The following LETM1 variants were observed in gnomAD, a reference collection of about 807,000 sequenced individuals.
The protein encoded by LETM1 is leucine zipper and EF-hand containing transmembrane protein 1.
In LETM1, 50 loss-of-function variants were observed where a neutral mutation model predicts 74.5. That is an observed-to-expected ratio of 0.67 (90% CI 0.53 to 0.85). LETM1 has a LOEUF of 0.85. Ranked by LOEUF, LETM1 falls within the 40% of genes least tolerant of loss-of-function variation. The pLI, the probability that LETM1 is intolerant of heterozygous loss-of-function variation, is 0.00. For synonymous variants in LETM1, 446 were observed against 407.1 expected (o/e 1.10, Z -1.15); for missense variants, 824 against 967.8 (o/e 0.85, Z 1.97).
At chr4:1,855,406 T>G (rs1028364021) in intron 1 of LETM1, among the ~76,000 whole-genome samples, 1 of 152,092 alleles carries the variant, frequency 6.6e-6, no homozygotes, top group African/African-American at 2.4e-5. Flanking sequence ...GGTTTGTAGG[T>G]GCTGGCATCA....
At chr4:1,816,631 C>T in intron 12 of LETM1, 96 bp downstream of exon 12, 4 of 1,258,056 alleles carry the variant, frequency 3.2e-6, no homozygotes, top group Middle Eastern at 1.9e-4. Flanking sequence ...ACAATGTGCC[C>T]TTTGGAGCCA....
At chr4:1,831,723 GA>G (rs1712276818) in intron 6 of LETM1, among the ~76,000 whole-genome samples, 1 of 152,220 alleles carries the variant, frequency 6.6e-6, no homozygotes, top group African/African-American at 2.4e-5. Flanking sequence ...TTGATTCATG[GA>G]AATGACTGGC....
intron 1 of LETM1, among the ~76,000 whole-genome samples, chr4:1,851,555 G>C (rs111777885): frequency 6.6e-6 from 1 of 152,204 alleles, no homozygotes; most frequent in Non-Finnish European, 1.5e-5. Flanking sequence ...CTGGGTTAAG[G>C]GGAAAATGTT....
chr4:1,832,961 C>A lies in LETM1; in HGVS notation c.877-14G>T. 6.2e-7 allele frequency: 1 copy of A among 1,611,652 alleles called. No homozygotes were observed. Among genetic ancestry groups the A allele is most frequent in the South Asian group, 1.1e-5 (1 of 90,950 alleles). On this transcript the variant is annotated splice_polypyrimidine_tract_variant and intron_variant, in intron 5 of 13. Coordinates refer to ENST00000302787, the MANE Select transcript of LETM1 (RefSeq NM_012318.3). ...TGTTTCCCGGATCTGCGGAAGTGGT[C>A]ACAAGGGTCATCCCCGGGACACGCG...
intron 6 of LETM1, among the ~76,000 whole-genome samples, chr4:1,826,213 G>A (rs2083042751): frequency 6.6e-6 from 1 of 152,254 alleles, no homozygotes; most frequent in African/African-American, 2.4e-5. Context: ...ACACGGAGAA[G>A]TAATGACAGC....
intron 10 of LETM1, among the ~76,000 whole-genome samples, chr4:1,819,944 G>A (rs1048852914): frequency 1.3e-5 from 2 of 152,166 alleles, no homozygotes; most frequent in Non-Finnish European, 2.9e-5. Flanking sequence ...TGTGTTTCTT[G>A]TCTTGTTTTT....
At chr4:1,823,198 C>CTGTCCTG (rs1054423098) in intron 8 of LETM1, 67 bp from the exon 9 acceptor site, 4 of 1,516,048 alleles carry the variant, frequency 2.6e-6, no homozygotes, top group Non-Finnish European at 3.6e-6. Flanking sequence ...CCCCTCACCT[C>CTGTCCTG]TGTCCTGTGT....
At chr4:1,835,571 T>A (rs1712438042) in intron 4 of LETM1, among the ~76,000 whole-genome samples, 1 of 152,196 alleles carries the variant, frequency 6.6e-6, no homozygotes, top group African/African-American at 2.4e-5. Flanking sequence ...CTGGCCTTCA[T>A]GGCTGTGTGG....
At position 1,825,294 on chromosome 4, in the gene LETM1, A is replaced by G. The variant is rs560136787; in HGVS notation, c.1200+270T>C. On this transcript the variant is annotated intron_variant, in intron 7 of 13. Transcript: ENST00000302787. ...CTGACTACAGATAACCAAAATAGTAAGTTATTAAGGTCTTTAAAATCAACT... is the reference window on the plus strand; with the variant it reads ...CTGACTACAGATAACCAAAATAGTAGGTTATTAAGGTCTTTAAAATCAACT... Among the ~76,000 whole-genome samples the G allele has an allele frequency of 3.9e-5, 6 of 152,344 alleles. No homozygotes were observed. The East Asian group carries it at 1.2e-3, about 29-fold the overall frequency.
chr4:1,848,002 AT>A (rs1712941485), intron 2 of LETM1, among the ~76,000 whole-genome samples: 1 of 151,828 alleles, frequency 6.6e-6, no homozygotes, highest in African/African-American at 2.4e-5. Flanking sequence ...CTCAAAAAAA[AT>A]AAAAATAAAA....
rs1329187785 is a variant in LETM1 at position 1,822,301 on chromosome 4, C to T, written c.1488G>A (p.Glu496=). 1 of 1,504,426 alleles carries T rather than the reference C, an allele frequency of 6.6e-7. No homozygotes were observed. Among genetic ancestry groups the T allele is most frequent in the South Asian group, 1.3e-5 (1 of 76,192 alleles). 93.2% of individuals were successfully genotyped at this position (1,504,426 alleles called of 1,614,324 possible). Residue 496 remains glutamate (E), a synonymous_variant, in exon 10 of 14, where the codon GAG becomes GAA. Transcript: ENST00000302787. ...GGGGAGCAGCTACCACACGTTCGGG[C>T]TCAAAATCCTTCTGAAAGGCAAGGC... The part of the protein sequence containing the change: ...QKRSEVAKDF[E]PERVVAAPQR...
chr4:1,828,560 A>AC (rs1280129690), intron 6 of LETM1, among the ~76,000 whole-genome samples: 6 of 62,442 alleles, frequency 9.6e-5, no homozygotes, highest in African/African-American at 4.4e-4. Flanking sequence ...GCGGGGGCTG[A>AC]CCCCCCCACC....
chr4:1,854,941 C>T (rs1713187827), intron 1 of LETM1, among the ~76,000 whole-genome samples: 1 of 152,090 alleles, frequency 6.6e-6, no homozygotes, highest in African/African-American at 2.4e-5. Flanking sequence ...AATCCCAGCA[C>T]TTTGGGAGGC....
chr4:1,823,869 G>C, intron 7 of LETM1, 94 bp from the exon 8 acceptor site: 1 of 1,368,422 alleles, frequency 7.3e-7, no homozygotes, highest in East Asian at 2.4e-5. Flanking sequence ...ATAGCTCTCA[G>C]AGAAGACAGT....
chr4:1,839,641 T>C (rs1295052390), intron 3 of LETM1, among the ~76,000 whole-genome samples: 3 of 152,240 alleles, frequency 2.0e-5, no homozygotes, highest in Non-Finnish European at 4.4e-5. Flanking sequence ...GTGTCAGGCC[T>C]TGGGGGCAGG....
chr4:1,817,203 C>G (rs1711596583), intron 11 of LETM1, among the ~76,000 whole-genome samples: 2 of 137,544 alleles, frequency 1.5e-5, no homozygotes, highest in Admixed American at 1.6e-4. Context: ...CAAGACCATG[C>G]CAACGCACTC....
At chr4:1,848,715 C>CAAAAAAAAAAAAAAAA (rs927486416) in intron 2 of LETM1, among the ~76,000 whole-genome samples, 2 of 43,892 alleles carry the variant, frequency 4.6e-5, no homozygotes, top group East Asian at 6.9e-4. Flanking sequence ...GGCTCTGTCT[C>CAAAAAAAAAAAAAAAA]AAAAAAAAAA....
chr4:1,823,818 C>A (rs1711885560), intron 7 of LETM1, 43 bp from the exon 8 acceptor site: 7 of 1,571,750 alleles, frequency 4.5e-6, no homozygotes, highest in Non-Finnish European at 5.2e-6. Context: ...GCCCCCCAAC[C>A]CTGCTGGCCC....
At position 1,841,639 on chromosome 4, in the gene LETM1, T is replaced by G. The variant is rs764060391; in HGVS notation, c.302A>C (p.Gln101Pro). The G allele has an allele frequency of 6.2e-7, 1 of 1,614,032 alleles. No individual in the cohort carries two copies. Among genetic ancestry groups the G allele is most frequent in the Non-Finnish European group, 8.5e-7 (1 of 1,180,012 alleles). ...GTGCCAGCCACGCACAGGAAGGCAC[T>G]GAGGTCCCACAGCCACAAAACCCAC... ...TSVGFVAVGP[Q>P]CLPVRGWHSS... Residue 101 changes from glutamine to proline, a missense_variant, in exon 3 of 14, where the codon CAG becomes CCG. By Grantham distance (76) the Gln-to-Pro change is moderately conservative (BLOSUM62 -1). This residue lies in a region of LETM1 where 222 missense variants were observed against 195.6 expected (regional missense o/e 1.14). Transcript: ENST00000302787.
Sources: allele counts gnomAD v4.1 joint callset (sites outside exome capture counted in the v4.1 genomes callset), GRCh38; gene constraint gnomAD v4.1.1; regional missense constraint gnomAD v4.1.1; transcripts MANE v1.5; gene names NCBI Gene and HGNC (gene_info 2026-07-23, HGNC 2026-07-21).